The following LIPI variants were observed in gnomAD, a reference collection of about 807,000 sequenced individuals.
LIPI encodes lipase I.
Under a neutral mutation model 50.6 loss-of-function variants are expected in LIPI, and 59 were observed. That is an observed-to-expected ratio of 1.16 (90% CI 0.94 to 1.45). LIPI has a LOEUF of 1.45. Among genes scored for constraint, LIPI ranks in the 40% most tolerant of loss-of-function variants. The probability of loss-of-function intolerance (pLI) is 0.00; values close to 1 mark genes in which losing one functional copy is unlikely to be tolerated. For missense variants in LIPI, 586 were observed against 536.3 expected (o/e 1.09, Z -0.92); for synonymous variants, 203 against 178.2 (o/e 1.14, Z -1.11).
At chr21:14,110,144 A>T (rs928123284) in intron 9 of LIPI, among the ~76,000 whole-genome samples, 1 of 151,824 alleles carries the variant, frequency 6.6e-6, no homozygotes, top group Non-Finnish European at 1.5e-5. Flanking sequence ...TATAGTAATA[A>T]AAATTTTTTA....
chr21:14,193,741 G>A (rs934676108), intron 1 of LIPI, among the ~76,000 whole-genome samples: 4 of 151,132 alleles, frequency 2.6e-5, no homozygotes. Flanking sequence ...AATATTACAA[G>A]AACAGAACCA....
intron 4 of LIPI, among the ~76,000 whole-genome samples, chr21:14,175,316 C>T (rs1006507884): frequency 1.6e-4 from 24 of 152,056 alleles, no homozygotes; most frequent in Admixed American, 4.6e-4. Flanking sequence ...AAGCATGTGG[C>T]TTCTTGTTTG....
chr21:14,110,737 T>C (rs979748813), intron 9 of LIPI, among the ~76,000 whole-genome samples: 1 of 151,804 alleles, frequency 6.6e-6, no homozygotes, highest in Non-Finnish European at 1.5e-5. Context: ...AGTCTTTGTC[T>C]TTGTGTGCCT....
Position 14,181,805 on chromosome 21 carries a change from T to A in LIPI, c.596A>T (p.Asp199Val). 6.2e-7 allele frequency: 1 copy of A among 1,612,762 alleles called. No individual in the cohort carries two copies. ...ATCCACAAACTTTGCATCCGTGTAATCTAATCTGCTATATGGTGGTTTTCT... is the reference window on the plus strand; with the variant it reads ...ATCCACAAACTTTGCATCCGTGTAAACTAATCTGCTATATGGTGGTTTTCT... ...FSRKPPYSRL[D>V]YTDAKFVDVI... Residue 199 changes from aspartate (D) to valine (V), a missense_variant, in exon 4 of 10, where the codon GAT becomes GTT. Physicochemically the swap from Asp to Val is radical, Grantham distance 152 (BLOSUM62 -3). Transcript: ENST00000681601.
chr21:14,161,665 T>A (rs1384343002), intron 7 of LIPI, among the ~76,000 whole-genome samples: 1 of 107,764 alleles, frequency 9.3e-6, no homozygotes, highest in Non-Finnish European at 1.7e-5. Flanking sequence ...TATTAATGTA[T>A]AATATATACA....
At chr21:14,208,841 CAA>C (rs1359930647) in intron 1 of LIPI, among the ~76,000 whole-genome samples, 1 of 152,104 alleles carries the variant, frequency 6.6e-6, no homozygotes, top group East Asian at 1.9e-4. Flanking sequence ...CACTTGAGCC[CAA>C]GAGTTGGAGA....
At chr21:14,172,877 T>C (rs936370566) in intron 4 of LIPI, among the ~76,000 whole-genome samples, 1 of 151,436 alleles carries the variant, frequency 6.6e-6, no homozygotes, top group Admixed American at 6.6e-5. Context: ...AATAATAAAA[T>C]AAAATAAAAA....
intron 9 of LIPI, among the ~76,000 whole-genome samples, chr21:14,138,383 C>T (rs926460340): frequency 6.6e-6 from 1 of 152,020 alleles, no homozygotes; most frequent in Non-Finnish European, 1.5e-5. Context: ...AATAAGTGCT[C>T]TCATTTATCT....
intron 8 of LIPI, among the ~76,000 whole-genome samples, chr21:14,149,326 C>T (rs1362035487): frequency 6.6e-6 from 1 of 152,148 alleles, no homozygotes; most frequent in Non-Finnish European, 1.5e-5. Context: ...TAGGGGAAAC[C>T]ACCCCTGTGA....
rs186471300 is a variant in LIPI, at chr21:14,202,347, G to A, written c.46+8453C>T. Among the ~76,000 whole-genome samples, 468 of 152,240 alleles carry A rather than the reference G, an allele frequency of 3.1e-3. 4 individuals carry two copies. Among genetic ancestry groups the A allele is most frequent in the African/African-American group, 0.011 (453 of 41,532 alleles). ...GAAAAAACTATTTTAAAGTTCATAT[G>A]GAACCAATAAAGAGCCCACATTGCC... On this transcript the variant is annotated intron_variant, in intron 1 of 9. Coordinates refer to ENST00000681601, the MANE Select transcript of LIPI (RefSeq NM_001302998.2).
intron 9 of LIPI, among the ~76,000 whole-genome samples, chr21:14,122,448 A>G (rs1387126848): frequency 1.3e-5 from 2 of 152,214 alleles, no homozygotes; most frequent in African/African-American, 4.8e-5. Context: ...TAAGCAAAAC[A>G]CGGGTATTAC....
chr21:14,171,949 A>G (rs1356720732), intron 4 of LIPI, among the ~76,000 whole-genome samples: 1 of 150,632 alleles, frequency 6.6e-6, no homozygotes, highest in Non-Finnish European at 1.5e-5. Flanking sequence ...ATGGGAGAAA[A>G]TTTTCACAAC....
chr21:14,172,882 T>G (rs147868026), intron 4 of LIPI, among the ~76,000 whole-genome samples: 2,673 of 151,192 alleles, frequency 0.018, 74 homozygotes, highest in African/African-American at 0.059. Flanking sequence ...TAAAATAAAA[T>G]AAAAAGAAAA....
intron 1 of LIPI, chr21:14,206,663 GA>G (rs199777337): frequency 1.4e-5 from 8 of 570,112 alleles, no homozygotes; most frequent in East Asian, 3.1e-5. Context: ...CTCATTTCTG[GA>G]AAAAAAACGG....
chr21:14,189,421 T>C lies in LIPI; in HGVS notation c.47-2A>G, dbSNP rs2019585380. 6.2e-7 allele frequency: 1 copy of C among 1,611,652 alleles called. No homozygotes were observed. Reference sequence around the variant, plus strand: ...ATTCAAGGCATGGTCTTTTATTATCTGAAATAAGAAAATGTCAGTCAAGCT... The same window carrying C: ...ATTCAAGGCATGGTCTTTTATTATCCGAAATAAGAAAATGTCAGTCAAGCT... On this transcript the variant is annotated splice_acceptor_variant, in intron 1 of 9. Coordinates refer to ENST00000681601, the MANE Select transcript of LIPI (RefSeq NM_001302998.2). LOFTEE classifies it high-confidence loss of function.
At chr21:14,154,025 A>T (rs1403439056) in intron 7 of LIPI, among the ~76,000 whole-genome samples, 1 of 152,144 alleles carries the variant, frequency 6.6e-6, no homozygotes, top group Admixed American at 6.6e-5. Context: ...CTGAAGGGGA[A>T]CTTTGAAGAA....
intron 9 of LIPI, among the ~76,000 whole-genome samples, chr21:14,125,489 C>A (rs376972953): frequency 1.3e-5 from 2 of 152,264 alleles, no homozygotes; most frequent in Non-Finnish European, 2.9e-5. Context: ...TGAGGAAAAA[C>A]GGAACAAAGG....
chr21:14,128,988 A>C (rs1024222399), intron 9 of LIPI, among the ~76,000 whole-genome samples: 8 of 152,052 alleles, frequency 5.3e-5, no homozygotes, highest in African/African-American at 1.9e-4. Context: ...TAATAATACA[A>C]ATTTTCCAAG....
intron 1 of LIPI, among the ~76,000 whole-genome samples, chr21:14,196,145 C>A (rs1393875070): frequency 4.7e-5 from 5 of 106,406 alleles, no homozygotes; most frequent in Non-Finnish European, 7.9e-5. Flanking sequence ...TTTTACATGA[C>A]ACCAAATTGT....
Sources: gnomAD v4.1 joint callset for allele counts (sites outside exome capture counted in the v4.1 genomes callset) on GRCh38, gnomAD v4.1.1 for gene constraint, MANE v1.5 for transcripts, NCBI Gene and HGNC (gene_info 2026-07-23, HGNC 2026-07-21) for gene names.